KCNJ6: variants seen among roughly 807,000 people sequenced by gnomAD.
The protein encoded by KCNJ6 is G protein-activated inward rectifier potassium channel 2.
KCNJ6 carries 9 observed loss-of-function variants against 34.2 expected under a neutral mutation model. The observed-to-expected ratio is 0.26, with a 90% CI of 0.16 to 0.46. The LOEUF (loss-of-function observed/expected upper bound fraction) is 0.46, where lower values mean the gene tolerates loss of function less well. Ranked by LOEUF, KCNJ6 falls within the 20% of genes least tolerant of loss-of-function variation. KCNJ6 has a pLI of 1.00. For synonymous variants in KCNJ6, 196 were observed against 207.1 expected (o/e 0.95, Z 0.46); for missense variants, 236 against 531.3 (o/e 0.44, Z 5.46).
intron 1 of KCNJ6, among the ~76,000 whole-genome samples, chr21:37,881,840 A>G (rs1321382331): frequency 6.6e-6 from 1 of 152,186 alleles, no homozygotes; most frequent in Non-Finnish European, 1.5e-5. Context: ...ATGAACATTC[A>G]GTCTACAGCA....
At chr21:37,741,156 C>T (rs1462988711) in intron 2 of KCNJ6, among the ~76,000 whole-genome samples, 4 of 152,200 alleles carry the variant, frequency 2.6e-5, no homozygotes, top group Admixed American at 2.6e-4. Context: ...CAAGATATTT[C>T]CACATGGATT....
intron 2 of KCNJ6, among the ~76,000 whole-genome samples, chr21:37,774,586 T>A (rs1218126297): frequency 8.9e-6 from 1 of 112,214 alleles, no homozygotes; most frequent in African/African-American, 3.7e-5. Flanking sequence ...CACCTATGAG[T>A]GAGAACATGC....
At chr21:37,692,869 G>A (rs910822022) in intron 3 of KCNJ6, among the ~76,000 whole-genome samples, 6 of 152,152 alleles carry the variant, frequency 3.9e-5, no homozygotes, top group African/African-American at 1.4e-4. Context: ...AACTTAGAGC[G>A]AAAGGGTAGC....
intron 1 of KCNJ6, among the ~76,000 whole-genome samples, chr21:37,906,593 T>G (rs1463877459): frequency 6.6e-6 from 1 of 152,208 alleles, no homozygotes; most frequent in Admixed American, 6.5e-5. Context: ...CTGGTGATGC[T>G]GCTGCTGGTT....
chr21:37,879,871 GT>G lies in KCNJ6; in HGVS notation c.-28+36012del, dbSNP rs776199268. On this transcript the variant is annotated intron_variant, in intron 1 of 3. Coordinates refer to ENST00000609713, the MANE Select transcript of KCNJ6 (RefSeq NM_002240.5). ...AGAATCTTGGATTTGAAGGTGGCCT[GT>G]TATTTTCTATAGGGTCCAAAACGGA... Among the ~76,000 whole-genome samples the G allele has an allele frequency of 1.8e-4, 28 of 152,048 alleles. 2 individuals carry two copies. Among genetic ancestry groups the G allele is most frequent in the Admixed American group, 1.0e-3 (16 of 15,268 alleles).
intron 2 of KCNJ6, among the ~76,000 whole-genome samples, chr21:37,733,826 A>G (rs1463243677): frequency 6.6e-6 from 1 of 152,196 alleles, no homozygotes; most frequent in Admixed American, 6.5e-5. Flanking sequence ...GCATTTCCCC[A>G]GGTTTCAGAG....
At chr21:37,676,711 C>T (rs1175209194) in intron 3 of KCNJ6, among the ~76,000 whole-genome samples, 1 of 152,224 alleles carries the variant, frequency 6.6e-6, no homozygotes, top group Non-Finnish European at 1.5e-5. Context: ...GCAGCCATGT[C>T]TGGAGACATT....
At chr21:37,880,512 G>A (rs1167965939) in intron 1 of KCNJ6, among the ~76,000 whole-genome samples, 1 of 152,230 alleles carries the variant, frequency 6.6e-6, no homozygotes, top group East Asian at 1.9e-4. Flanking sequence ...CCCAAACAAA[G>A]AAGTCCTGAT....
intron 1 of KCNJ6, among the ~76,000 whole-genome samples, chr21:37,859,352 A>G (rs1389696798): frequency 6.6e-6 from 1 of 151,132 alleles, no homozygotes; most frequent in Non-Finnish European, 1.5e-5. Context: ...CATATGTGTG[A>G]GCATATGAAT....
chr21:37,691,681 A>G (rs911365199), intron 3 of KCNJ6, among the ~76,000 whole-genome samples: 2 of 152,204 alleles, frequency 1.3e-5, no homozygotes, highest in African/African-American at 4.8e-5. Flanking sequence ...TGGCAAATCC[A>G]AAATCTGATT....
chr21:37,790,627 A>G (rs79819680), intron 2 of KCNJ6, among the ~76,000 whole-genome samples: 2,594 of 152,330 alleles, frequency 0.017, 73 homozygotes, highest in African/African-American at 0.056. Context: ...GTAGGTTTTT[A>G]TAACAAAACC....
At chr21:37,901,042 G>T (rs1317507207) in intron 1 of KCNJ6, among the ~76,000 whole-genome samples, 1 of 148,128 alleles carries the variant, frequency 6.8e-6, no homozygotes, top group Non-Finnish European at 1.5e-5. Flanking sequence ...GCCTTTCTTT[G>T]TTCAAAAATT....
Position 37,614,582 on chromosome 21 carries a change from G to GTC in KCNJ6, c.*10576_*10577insGA, listed in dbSNP as rs2054256996. The GTC allele has an allele frequency of 7.0e-6, 1 of 142,906 alleles. No homozygotes were observed. 8.9% of individuals were successfully genotyped at this position (142,906 alleles called of 1,614,324 possible). On this transcript the variant is annotated 3_prime_UTR_variant, in exon 4 of 4. Coordinates refer to ENST00000609713, the MANE Select transcript of KCNJ6 (RefSeq NM_002240.5). ...TGCGTGTGTGTATGCATGTGTCTCT[G>GTC]TATGCATGTGTGTGTATGCATGTCT...
In KCNJ6 at chr21:37,624,928, A is replaced by C; in HGVS notation, c.*231T>G. ...TTTGGGAGGAGACCAGGCTTGGGCC[A>C]CAAATGAGGGCACTTTGCACTTTCA... On this transcript the variant is annotated 3_prime_UTR_variant, in exon 4 of 4. Coordinates refer to ENST00000609713, the MANE Select transcript of KCNJ6 (RefSeq NM_002240.5). 1.8e-6 allele frequency: 1 copy of C among 560,856 alleles called. No homozygotes were observed. Among genetic ancestry groups the C allele is most frequent in the Admixed American group, 3.2e-5 (1 of 31,490 alleles). 34.7% of individuals were successfully genotyped at this position (560,856 alleles called of 1,614,324 possible).
At chr21:37,871,414 C>T (rs1962408505) in intron 1 of KCNJ6, among the ~76,000 whole-genome samples, 1 of 152,160 alleles carries the variant, frequency 6.6e-6, no homozygotes, top group Admixed American at 6.5e-5. Context: ...AAATGCAAGG[C>T]TGATATAGAC....
intron 2 of KCNJ6, among the ~76,000 whole-genome samples, chr21:37,827,742 C>A (rs1366428060): frequency 6.6e-6 from 1 of 152,006 alleles, no homozygotes; most frequent in Non-Finnish European, 1.5e-5. Flanking sequence ...TATTAGTTTT[C>A]AATATATGAA....
intron 1 of KCNJ6, among the ~76,000 whole-genome samples, chr21:37,892,708 T>G (rs1012072262): frequency 1.3e-5 from 2 of 152,180 alleles, no homozygotes; most frequent in African/African-American, 4.8e-5. Flanking sequence ...GCTTAGGATG[T>G]CTATGGCAAC....
intron 2 of KCNJ6, among the ~76,000 whole-genome samples, chr21:37,778,696 C>CGTGTGTGTGTGTGT (rs61218477): frequency 7.2e-4 from 105 of 146,264 alleles, no homozygotes; most frequent in East Asian, 2.8e-3. Context: ...GTGCTGTGTG[C>CGTGTGTGTGTGTGT]GTGTGTGTGT....
chr21:37,648,210 G>A (rs1396991466), intron 3 of KCNJ6, among the ~76,000 whole-genome samples: 2 of 152,208 alleles, frequency 1.3e-5, no homozygotes, highest in African/African-American at 4.8e-5. Flanking sequence ...AGGAGGCTGT[G>A]CCCCTGAGGG....
Sources: allele counts gnomAD v4.1 joint callset (sites outside exome capture counted in the v4.1 genomes callset), GRCh38; gene constraint gnomAD v4.1.1; transcripts MANE v1.5; gene names NCBI Gene and HGNC (gene_info 2026-07-23, HGNC 2026-07-21).